FBXW8: variants seen among roughly 807,000 people sequenced by gnomAD.
FBXW8 encodes the protein F-box and WD repeat domain containing 8.
A neutral mutation model predicts 65.3 loss-of-function variants in FBXW8; 57 were observed. The ratio of observed to expected loss-of-function variants is 0.87; its 90% confidence interval spans 0.71 to 1.09. The LOEUF is 1.09. Ranked by LOEUF, FBXW8 falls within the 50% of genes least tolerant of loss-of-function variation. The probability of loss-of-function intolerance (pLI) is 0.00; values close to 1 mark genes in which losing one functional copy is unlikely to be tolerated. For missense variants in FBXW8, 777 were observed against 814.8 expected (o/e 0.95, Z 0.57); for synonymous variants, 308 against 330.2 (o/e 0.93, Z 0.73).
intron 4 of FBXW8, among the ~76,000 whole-genome samples, chr12:116,958,625 G>C (rs1345430305): frequency 6.6e-6 from 1 of 152,196 alleles, no homozygotes; most frequent in Non-Finnish European, 1.5e-5. Context: ...AGAACACTCT[G>C]GGAGGTGTTA....
intron 8 of FBXW8, among the ~76,000 whole-genome samples, chr12:117,011,462 C>G (rs1362138261): frequency 2.0e-5 from 3 of 152,274 alleles, no homozygotes; most frequent in East Asian, 3.9e-4. Context: ...AAAATAAGGC[C>G]TCCTAAAATG....
At chr12:117,018,146 CTTTTG>C (rs1456157673) in intron 8 of FBXW8, among the ~76,000 whole-genome samples, 9 of 152,100 alleles carry the variant, frequency 5.9e-5, no homozygotes, top group South Asian at 2.1e-4. Context: ...GTTCTGGTGT[CTTTTG>C]TTTTAATTGG....
At chr12:116,959,506 C>G (rs1883854587) in intron 4 of FBXW8, among the ~76,000 whole-genome samples, 1 of 152,180 alleles carries the variant, frequency 6.6e-6, no homozygotes, top group East Asian at 1.9e-4. Context: ...AACAACCCCC[C>G]AGCTTGCTAG....
chr12:117,029,622 T>TC lies in FBXW8; in HGVS notation c.*1451dup. On this transcript the variant is annotated 3_prime_UTR_variant, in exon 11 of 11. Transcript: ENST00000652555. Reference sequence around the variant, plus strand: ...TAAAGCCAGAAGGTTTTGTTTTTTTTCAGGTGGGGTCTCGCTCTGTCACCT... The same window carrying TC: ...TAAAGCCAGAAGGTTTTGTTTTTTTTCCAGGTGGGGTCTCGCTCTGTCACCT... The TC allele has an allele frequency of 6.6e-6, 1 of 152,252 alleles. No homozygotes were observed. The highest frequency in any genetic ancestry group is 1.5e-5 in the Non-Finnish European group (1 of 68,026). 9.4% of individuals were successfully genotyped at this position (152,252 alleles called of 1,614,324 possible).
chr12:116,980,090 G>A (rs1431995022), intron 5 of FBXW8, among the ~76,000 whole-genome samples: 1 of 152,172 alleles, frequency 6.6e-6, no homozygotes, highest in Non-Finnish European at 1.5e-5. Context: ...CTCAAACTTT[G>A]TTGCATTCTT....
chr12:117,027,986 C>T (rs529555369), intron 10 of FBXW8, 42 bp from the exon 11 acceptor site: 5 of 1,610,102 alleles, frequency 3.1e-6, no homozygotes, highest in African/African-American at 1.3e-5. Flanking sequence ...TGAGGGCCAG[C>T]GAGGCAGCCC....
chr12:116,990,228 C>T (rs896086458), intron 7 of FBXW8, among the ~76,000 whole-genome samples: 3 of 152,184 alleles, frequency 2.0e-5, no homozygotes, highest in Non-Finnish European at 4.4e-5. Flanking sequence ...GAAACTTTAT[C>T]ATCTCACTGT....
At chr12:116,954,216 G>T (rs768840385) in intron 4 of FBXW8, among the ~76,000 whole-genome samples, 15 of 152,046 alleles carry the variant, frequency 9.9e-5, no homozygotes, top group Non-Finnish European at 2.2e-4. Context: ...TTCTAGCATG[G>T]AACACAACCT....
At chr12:117,025,056 C>T (rs954391625) in intron 9 of FBXW8, among the ~76,000 whole-genome samples, 31 of 152,098 alleles carry the variant, frequency 2.0e-4, no homozygotes, top group Admixed American at 2.0e-3. Flanking sequence ...CCAGGGCTGG[C>T]TCATCAGAGC....
intron 3 of FBXW8, among the ~76,000 whole-genome samples, chr12:116,946,075 G>A (rs1565908206): frequency 6.6e-6 from 1 of 152,206 alleles, no homozygotes; most frequent in East Asian, 1.9e-4. Flanking sequence ...TTCCATAGGA[G>A]ATAACTGTCA....
chr12:116,976,208 T>C (rs192720000), intron 5 of FBXW8, among the ~76,000 whole-genome samples: 193 of 152,334 alleles, frequency 1.3e-3, no homozygotes, highest in Middle Eastern at 6.8e-3. Context: ...ACATGATTAC[T>C]TAGAAAAGAA....
chr12:116,916,889 CGTGTGTGT>C (rs71443002), intron 1 of FBXW8, among the ~76,000 whole-genome samples: 105 of 146,282 alleles, frequency 7.2e-4, no homozygotes, highest in African/African-American at 2.5e-3. Flanking sequence ...GCTAATTGTG[CGTGTGTGT>C]GTGTGTGTGT....
At chr12:116,948,249 TTTTC>T (rs1254620775) in intron 3 of FBXW8, among the ~76,000 whole-genome samples, 2 of 152,204 alleles carry the variant, frequency 1.3e-5, no homozygotes, top group African/African-American at 2.4e-5. Flanking sequence ...GGCCCTCTAT[TTTTC>T]TTTCAATACT....
intron 4 of FBXW8, among the ~76,000 whole-genome samples, chr12:116,960,549 C>T (rs933819077): frequency 6.6e-6 from 1 of 151,996 alleles, no homozygotes; most frequent in African/African-American, 2.4e-5. Flanking sequence ...TAGCTTATCC[C>T]CTGTTTTATA....
In FBXW8 at chr12:116,945,377, G is replaced by A. The variant is rs1882860224; in HGVS notation, c.437G>A (p.Trp146Ter). 6.2e-7 allele frequency: 1 copy of A among 1,612,538 alleles called. No individual in the cohort carries two copies. The highest frequency in any genetic ancestry group is 1.7e-5 in the Admixed American group (1 of 59,946). ...LGRCAQVSKT[W>*]KVIAEDEVLW... ...CTGCTGTTTTAGGTGAGCAAGACGT[G>A]GAAGGTGATTGCAGAGGATGAGGTG... Residue 146 changes from tryptophan to a stop codon, truncating the protein, a stop_gained, in exon 3 of 11, where the codon TGG (tryptophan) becomes TAG (stop). Coordinates refer to ENST00000652555, the MANE Select transcript of FBXW8 (RefSeq NM_153348.3). LOFTEE classifies it high-confidence loss of function.
chr12:116,913,706 C>T (rs1045336394), intron 1 of FBXW8, among the ~76,000 whole-genome samples: 2 of 152,050 alleles, frequency 1.3e-5, no homozygotes, highest in Admixed American at 6.5e-5. Flanking sequence ...TTCGATGCAA[C>T]GTTTATGGAA....
chr12:116,918,212 C>T (rs1880599942), intron 1 of FBXW8, among the ~76,000 whole-genome samples: 1 of 152,174 alleles, frequency 6.6e-6, no homozygotes, highest in African/African-American at 2.4e-5. Context: ...GTTGTCTTCT[C>T]TTCTCCTCTG....
At chr12:116,911,508 G>A (rs1448353300) in intron 1 of FBXW8, among the ~76,000 whole-genome samples, 153 bp downstream of exon 1, 2 of 152,158 alleles carry the variant, frequency 1.3e-5, no homozygotes, top group East Asian at 1.9e-4. Context: ...TTGCATAGGG[G>A]TCTTTCTGGA....
intron 5 of FBXW8, among the ~76,000 whole-genome samples, chr12:116,980,607 A>AT (rs1299348450): frequency 2.0e-5 from 3 of 152,210 alleles, no homozygotes; most frequent in African/African-American, 7.2e-5. Flanking sequence ...GACCTTTCAA[A>AT]TGAATTTATA....
Sources: allele counts gnomAD v4.1 joint callset (sites outside exome capture counted in the v4.1 genomes callset), GRCh38; gene constraint gnomAD v4.1.1; transcripts MANE v1.5; gene names NCBI Gene and HGNC (gene_info 2026-07-23, HGNC 2026-07-21).